CPOX: variants seen among roughly 807,000 people sequenced by gnomAD.
CPOX encodes the protein coproporphyrinogen oxidase, also known as oxygen-dependent coproporphyrinogen-III oxidase, mitochondrial.
In CPOX, 24 loss-of-function variants were observed where a neutral mutation model predicts 48.9. The ratio of observed to expected loss-of-function variants is 0.49; its 90% confidence interval spans 0.36 to 0.69. The LOEUF (loss-of-function observed/expected upper bound fraction) is 0.69, where lower values mean the gene tolerates loss of function less well. CPOX is among the 30% of genes least tolerant of loss of function. CPOX has a pLI of 0.00. For missense variants in CPOX, 549 were observed against 597.3 expected, an observed-to-expected ratio of 0.92 and a Z score of 0.84; for synonymous variants, 249 against 234.6, an observed-to-expected ratio of 1.06 and a Z score of -0.56.
chr3:98,593,406 T>C lies in CPOX; in HGVS notation c.99A>G (p.Gly33=), dbSNP rs941657794. The C allele has an allele frequency of 3.7e-4, 527 of 1,429,626 alleles. 1 individual carries two copies. Among genetic ancestry groups the C allele is most frequent in the Non-Finnish European group, 4.7e-4 (513 of 1,100,688 alleles). 88.6% of individuals were successfully genotyped at this position (1,429,626 alleles called of 1,614,324 possible). A position where few individuals can be genotyped will look rare whatever the true frequency, so the allele number is the denominator to read the frequency against. The part of the protein sequence containing the change: ...GPRAWSQCGG[G]GLRAWSQRSA... ...TGCGCTGGGACCAGGCTCGGAGCCC[T>C]CCGCCGCCGCACTGGGACCAGGCGC... Residue 33 remains glycine, a synonymous_variant, in exon 1 of 7, where the codon GGA becomes GGG. Transcript: ENST00000647941.
At chr3:98,577,622 TC>T (rs1390678034), downstream of CPOX, among the ~76,000 whole-genome samples, 5 of 152,192 alleles carry the variant, frequency 3.3e-5, no homozygotes, top group Admixed American at 2.6e-4. Flanking sequence ...TCTGGAACTG[TC>T]CTTAATGACA....
chr3:98,581,593 G>C, intron 5 of CPOX, 82 bp from the exon 6 acceptor site: 1 of 1,161,284 alleles, frequency 8.6e-7, no homozygotes, highest in Non-Finnish European at 1.3e-6. Context: ...TTAAAAAGGG[G>C]TGGGTTCTTC....
the CPOX span, among the ~76,000 whole-genome samples, chr3:98,570,868 T>G: frequency 6.6e-6 from 1 of 152,232 alleles, no homozygotes; most frequent in Non-Finnish European, 1.5e-5. Context: ...TCATTAGCTT[T>G]TCATTAGTTT....
intron 2 of CPOX, 91 bp downstream of exon 2, chr3:98,590,921 T>C: frequency 2.0e-6 from 3 of 1,513,904 alleles, no homozygotes; most frequent in Non-Finnish European, 2.7e-6. Context: ...AATGGCTTTT[T>C]TCAGAAGCAA....
chr3:98,579,682 CTTAAGAG>C lies in CPOX; in HGVS notation c.*994_*1000del, dbSNP rs1707214519. 3 of 985,252 alleles carry C rather than the reference CTTAAGAG, an allele frequency of 3.0e-6. No homozygotes were observed. The highest frequency in any genetic ancestry group is 3.6e-6 in the Non-Finnish European group (3 of 829,760). 61.0% of individuals were successfully genotyped at this position (985,252 alleles called of 1,614,324 possible). A position where few individuals can be genotyped will look rare whatever the true frequency, so the allele number is the denominator to read the frequency against. On this transcript the variant is annotated 3_prime_UTR_variant, in exon 7 of 7. Coordinates refer to ENST00000647941, the MANE Select transcript of CPOX (RefSeq NM_000097.7). ...ATTAAGAATCCTGTTGTGATTTGCT[CTTAAGAG>C]CAAAGAGCTGCAGAATCTCTAATAT...
Position 98,580,089 on chromosome 3 carries a change from T to C in CPOX, c.*594A>G, listed in dbSNP as rs189102337. ...ACAAACTACAGAAATAACTGAATTG[T>C]AACACATGCAGAGATTATTTCAAGT... On this transcript the variant is annotated 3_prime_UTR_variant, in exon 7 of 7. Coordinates refer to ENST00000647941, the MANE Select transcript of CPOX (RefSeq NM_000097.7). 89 of 911,342 alleles carry C rather than the reference T, an allele frequency of 9.8e-5. No homozygotes were observed. In the African/African-American group the frequency reaches 2.5e-3, roughly 26 times the overall value. 56.5% of individuals were successfully genotyped at this position (911,342 alleles called of 1,614,324 possible).
chr3:98,582,093 A>T (rs1181715167), intron 5 of CPOX, among the ~76,000 whole-genome samples: 1 of 152,214 alleles, frequency 6.6e-6, no homozygotes, highest in African/African-American at 2.4e-5. Context: ...TCTGCAGATT[A>T]ATAGCAATCA....
At chr3:98,591,487 G>A (rs1268507679) in intron 1 of CPOX, among the ~76,000 whole-genome samples, 1 of 152,062 alleles carries the variant, frequency 6.6e-6, no homozygotes, top group Non-Finnish European at 1.5e-5. Context: ...GAAAGCTAAG[G>A]TTAAAAATAG....
At chr3:98,585,712 G>GA in intron 4 of CPOX, 53 bp from the exon 5 acceptor site, 2 of 1,379,212 alleles carry the variant, frequency 1.5e-6, no homozygotes, top group Non-Finnish European at 2.1e-6. Flanking sequence ...AAACAGACAT[G>GA]AAAATCAATG....
At chr3:98,572,871 T>G in the CPOX span, among the ~76,000 whole-genome samples, 2 of 152,340 alleles carry the variant, frequency 1.3e-5, no homozygotes, top group East Asian at 3.9e-4. Context: ...ACTATTTGAA[T>G]AAGCAATTTT....
downstream of CPOX, among the ~76,000 whole-genome samples, chr3:98,577,509 G>A (rs552955458): frequency 6.6e-6 from 1 of 152,302 alleles, no homozygotes; most frequent in Admixed American, 6.5e-5. Context: ...GAACTAATTA[G>A]GGCAATGTGG....
chr3:98,571,082 T>C, the CPOX span, among the ~76,000 whole-genome samples: 1 of 152,236 alleles, frequency 6.6e-6, no homozygotes, highest in South Asian at 2.1e-4. Flanking sequence ...TTTATTAATA[T>C]ACCAGAATTT....
intron 4 of CPOX, 29 bp from the exon 5 acceptor site, chr3:98,585,688 G>C (rs762633981): frequency 6.5e-7 from 1 of 1,548,592 alleles, no homozygotes; most frequent in South Asian, 1.1e-5. Flanking sequence ...CCAAACCAGG[G>C]ATCAAATGGA....
chr3:98,571,459 C>T, the CPOX span, among the ~76,000 whole-genome samples: 3 of 151,770 alleles, frequency 2.0e-5, no homozygotes, highest in South Asian at 2.1e-4. Context: ...GAGGCCGAGG[C>T]GGGCGGATCA....
intron 5 of CPOX, among the ~76,000 whole-genome samples, chr3:98,582,541 G>C (rs190050521): frequency 2.0e-5 from 3 of 149,952 alleles, no homozygotes; most frequent in Admixed American, 2.0e-4. Flanking sequence ...TGCCCAGGCT[G>C]GAGTGCAGTG....
the CPOX span, among the ~76,000 whole-genome samples, chr3:98,573,812 A>G: frequency 6.6e-6 from 1 of 152,222 alleles, no homozygotes; most frequent in Admixed American, 6.5e-5. Flanking sequence ...AGTATAGATC[A>G]TGTTAACATC....
chr3:98,579,367 T>C (rs116113441), downstream of CPOX: 6 of 446,344 alleles, frequency 1.3e-5, no homozygotes, highest in Middle Eastern at 1.1e-3. Context: ...CTAGCCCTAA[T>C]GTTGTTCAAG....
Position 98,593,331 on chromosome 3 carries a change from C to T in CPOX, c.174G>A (p.Gln58=). ...TCGAGCCGTGCCCCAGCCCGCGGCT[C>T]TGCTCCGTGCCAGCCGGGCCAGGGG... The part of the protein sequence containing the change: ...CRPPGPAGTE[Q]SRGLGHGSTS... The change falls in exon 1 of 7, where the codon CAG becomes CAA. Residue 58 remains glutamine, a synonymous_variant. Coordinates refer to ENST00000647941, the MANE Select transcript of CPOX (RefSeq NM_000097.7). 7.3e-7 allele frequency: 1 copy of T among 1,373,674 alleles called. No homozygotes were observed. Among genetic ancestry groups the T allele is most frequent in the Non-Finnish European group, 9.3e-7 (1 of 1,076,346 alleles). The allele number at this position is 1,373,674 out of a possible 1,614,324, so 85.1% of individuals were successfully genotyped here.
chr3:98,578,973 C>A (rs1265214740), downstream of CPOX, among the ~76,000 whole-genome samples: 1 of 152,190 alleles, frequency 6.6e-6, no homozygotes, highest in Non-Finnish European at 1.5e-5. Context: ...GAGCCTTGAA[C>A]AACACAGGTT....
Sources: gnomAD v4.1 joint callset for allele counts (sites outside exome capture counted in the v4.1 genomes callset) on GRCh38, gnomAD v4.1.1 for gene constraint, MANE v1.5 for transcripts, NCBI Gene and HGNC (gene_info 2026-07-23, HGNC 2026-07-21) for gene names.